BSN: variants seen among roughly 807,000 people sequenced by gnomAD.
The protein encoded by BSN is bassoon presynaptic cytomatrix protein, also known as protein bassoon.
In BSN, 57 loss-of-function variants were observed where a neutral mutation model predicts 264.8. The ratio of observed to expected loss-of-function variants is 0.22; its 90% confidence interval spans 0.17 to 0.27. The LOEUF is 0.27. BSN is among the 10% of genes least tolerant of loss of function. The probability of loss-of-function intolerance (pLI) is 1.00; values close to 1 mark genes in which losing one functional copy is unlikely to be tolerated. For missense variants in BSN, 4,615 were observed against 5,232.5 expected, an observed-to-expected ratio of 0.88 and a Z score of 3.64; for synonymous variants, 2,059 against 2,137.3, an observed-to-expected ratio of 0.96 and a Z score of 1.01.
At chr3:49,573,666 T>C (rs1402059923) in intron 1 of BSN, among the ~76,000 whole-genome samples, 2 of 151,732 alleles carry the variant, frequency 1.3e-5, no homozygotes, top group East Asian at 1.9e-4. Flanking sequence ...GGTTTTTTTT[T>C]TTTTTTTTGA....
intron 2 of BSN, among the ~76,000 whole-genome samples, chr3:49,626,444 A>G (rs746023903): frequency 1.3e-5 from 2 of 152,076 alleles, no homozygotes; most frequent in Non-Finnish European, 2.9e-5. Flanking sequence ...GTGAGAGGTA[A>G]GTGTGAGATT....
intron 1 of BSN, among the ~76,000 whole-genome samples, chr3:49,555,795 G>A (rs765991029): frequency 6.6e-6 from 1 of 152,214 alleles, no homozygotes; most frequent in Non-Finnish European, 1.5e-5. Flanking sequence ...CAGGGGGTGG[G>A]AGGGAGGTGC....
chr3:49,634,455 C>T (rs983278035), intron 2 of BSN, among the ~76,000 whole-genome samples: 2 of 152,102 alleles, frequency 1.3e-5, no homozygotes, highest in Non-Finnish European at 1.5e-5. Context: ...CTCGCTTTGT[C>T]GCCCAGGCTC....
At chr3:49,640,189 G>C (rs1174259137) in intron 2 of BSN, among the ~76,000 whole-genome samples, 1 of 152,234 alleles carries the variant, frequency 6.6e-6, no homozygotes, top group Non-Finnish European at 1.5e-5. Flanking sequence ...CCTCAGCTCT[G>C]GTTGATGAGG....
In BSN at chr3:49,655,241, G is replaced by A; in HGVS notation, c.5685G>A (p.Glu1895=). Reference sequence around the variant, plus strand: ...TGGACCTTACCGGGATGAGGCCTGAGAGCCAGCTGGCATGCTGTGACATGG... The same window carrying A: ...TGGACCTTACCGGGATGAGGCCTGAAAGCCAGCTGGCATGCTGTGACATGG... ...GALDLTGMRP[E]SQLACCDMVY... Residue 1895 remains glutamate (E), a synonymous_variant, in exon 5 of 12, where the codon GAG becomes GAA. Transcript: ENST00000296452. The A allele has an allele frequency of 6.2e-7, 1 of 1,613,122 alleles. No homozygotes were observed. Among genetic ancestry groups the A allele is most frequent in the Non-Finnish European group, 8.5e-7 (1 of 1,179,960 alleles).
In BSN at chr3:49,606,288, T is replaced by TAA. The variant is rs1559603705; in HGVS notation, c.225-18687_225-18686insAA. Among the ~76,000 whole-genome samples the TAA allele has an allele frequency of 1.5e-3, 170 of 111,288 alleles. 11 individuals are homozygous for TAA. The highest frequency in any genetic ancestry group is 4.8e-3 in the African/African-American group (135 of 27,936). The allele number at this position is 111,288 out of a possible 152,430, so 73.0% of individuals were successfully genotyped here. ...ATATAATATATATTAAAAATATATA[T>TAA]TATATATATTAAAAATATATATAAT... On this transcript the variant is annotated intron_variant, in intron 1 of 11. Transcript: ENST00000296452.
At chr3:49,573,683 G>GT (rs1379712593) in intron 1 of BSN, among the ~76,000 whole-genome samples, 1 of 149,300 alleles carries the variant, frequency 6.7e-6, no homozygotes, top group South Asian at 2.1e-4. Context: ...TTGAGACGGA[G>GT]TTTTGCTCTT....
chr3:49,574,729 G>A (rs2051828708), intron 1 of BSN, among the ~76,000 whole-genome samples: 1 of 149,956 alleles, frequency 6.7e-6, no homozygotes, highest in Non-Finnish European at 1.5e-5. Flanking sequence ...TCCACCTCCT[G>A]GGTTCAAGTG....
Position 49,554,698 on chromosome 3 carries a change from C to T in BSN, c.96C>T (p.Gly32=). 8.8e-7 allele frequency: 1 copy of T among 1,132,762 alleles called. No individual in the cohort carries two copies. Among genetic ancestry groups the T allele is most frequent in the South Asian group, 3.8e-5 (1 of 26,652 alleles). The allele number at this position is 1,132,762 out of a possible 1,614,324, so 70.2% of individuals were successfully genotyped here. The change falls in exon 1 of 12, where the codon GGC becomes GGT. Residue 32 remains glycine, a synonymous_variant. Coordinates refer to ENST00000296452, the MANE Select transcript of BSN (RefSeq NM_003458.4). ...GCCCGGGCCCCGGCCCCGGCCCCGG[C>T]GCAGGAAAGCCGCCTTCAGCACCGG... ...GPGPGPGPGP[G]AGKPPSAPAG... is the part of the protein sequence containing the mutation.
At position 49,625,939 on chromosome 3, in the gene BSN, A is replaced by G. The variant is rs1166164269; in HGVS notation, c.633+556A>G. Among the ~76,000 whole-genome samples, 6 of 152,200 alleles carry G rather than the reference A, an allele frequency of 3.9e-5. No homozygotes were observed. Among genetic ancestry groups the G allele is most frequent in the Admixed American group, 6.5e-5 (1 of 15,290 alleles). On this transcript the variant is annotated intron_variant, in intron 2 of 11. Transcript: ENST00000296452. This position sits in a 1 kb window ranked among gnomAD's most constrained non-coding sequence, Gnocchi z 4.4. ...AGCTGGGGACCTGAGGTGGTGGGGC[A>G]GCTACCCCATCCCTAAAGAAATGAC...
intron 11 of BSN, among the ~76,000 whole-genome samples, chr3:49,667,187 G>T (rs1029261006): frequency 2.6e-5 from 4 of 152,058 alleles, no homozygotes; most frequent in African/African-American, 9.7e-5. Flanking sequence ...GCTAATGATT[G>T]GGTCAAGTGG....
chr3:49,652,590 C>T lies in BSN; in HGVS notation c.3034C>T (p.Arg1012Cys), dbSNP rs374765989. The T allele has an allele frequency of 2.4e-5, 38 of 1,613,474 alleles. No individual in the cohort carries two copies. Among genetic ancestry groups the T allele is most frequent in the Middle Eastern group, 1.7e-4 (1 of 6,060 alleles). Residue 1012 changes from arginine (R) to cysteine (C), a missense_variant, in exon 5 of 12, where the codon CGC becomes TGC. Physicochemically the swap from Arg to Cys is radical, Grantham distance 180. Transcript: ENST00000296452. ...GGAGGACAGTGACAGCAGCCCCAGC[C>T]GCAGGCAGCGTCTAGAAGAAGCAAA... is the stretch of plus-strand genomic sequence containing the variant. ...LEEDSDSSPS[R>C]RQRLEEAKQQ...
intron 1 of BSN, among the ~76,000 whole-genome samples, chr3:49,586,362 A>ATCTG (rs1353667892): frequency 6.6e-6 from 1 of 150,582 alleles, no homozygotes; most frequent in East Asian, 1.9e-4. Context: ...CTATCTATCT[A>ATCTG]TCATTATCTA....
In BSN at chr3:49,655,607, C is replaced by T. The variant is rs775296339; in HGVS notation, c.6051C>T (p.Ser2017=). The T allele has an allele frequency of 1.2e-6, 2 of 1,613,618 alleles. No homozygotes were observed. The highest frequency in any genetic ancestry group is 1.3e-5 in the African/African-American group (1 of 74,944). The change falls in exon 5 of 12, where the codon AGC becomes AGT. Residue 2017 remains serine, a synonymous_variant. Transcript: ENST00000296452. ...GPGRDSAMDL[S]SLKHSYSLGF... ...GACGAGACTCGGCTATGGACCTCAG[C>T]TCACTGAAGCACTCCTACAGCCTGG...
At chr3:49,607,394 TC>T (rs991813147) in intron 1 of BSN, among the ~76,000 whole-genome samples, 3 of 152,174 alleles carry the variant, frequency 2.0e-5, no homozygotes, top group South Asian at 4.1e-4. Context: ...GTGTGGTGAT[TC>T]AGGGCTGGGC....
In BSN at chr3:49,646,183, G is replaced by GA. The variant is rs911863396; in HGVS notation, c.1518+3039dup. Among the ~76,000 whole-genome samples, 37 of 151,286 alleles carry GA rather than the reference G, an allele frequency of 2.4e-4. 1 individual carries two copies. Among genetic ancestry groups the GA allele is most frequent in the African/African-American group, 6.4e-4 (26 of 40,862 alleles). Reference sequence around the variant, plus strand: ...CCTTTTTCCTTTTGAACTTTCCTCTGAAAAAAAATAACCATAGTGCTATTT... The same window carrying GA: ...CCTTTTTCCTTTTGAACTTTCCTCTGAAAAAAAAATAACCATAGTGCTATTT... On this transcript the variant is annotated intron_variant, in intron 3 of 11. Transcript: ENST00000296452.
chr3:49,624,300 CTT>C (rs71080542), intron 1 of BSN, among the ~76,000 whole-genome samples: 5 of 67,180 alleles, frequency 7.4e-5, no homozygotes, highest in Admixed American at 2.4e-4. Context: ...CGTGCCCAGC[CTT>C]TTTTTTTTTT....
At chr3:49,664,293 C>A in intron 8 of BSN, 130 bp from the exon 9 acceptor site, 1 of 1,215,122 alleles carries the variant, frequency 8.2e-7, no homozygotes, top group Non-Finnish European at 1.2e-6. Context: ...CTCTTTATTT[C>A]CCTAGCCTCC....
rs1285138438 is a variant in BSN, at chr3:49,654,394, C to G, written c.4838C>G (p.Pro1613Arg). 1 of 1,604,522 alleles carries G rather than the reference C, an allele frequency of 6.2e-7. No individual in the cohort carries two copies. The highest frequency in any genetic ancestry group is 1.3e-5 in the African/African-American group (1 of 74,994). ...SQLPPEPPGP[P>R]GFPRVPSAGA... ...CTGCCCCCAGAGCCACCTGGGCCAC[C>G]TGGCTTTCCACGGGTGCCCAGTGCT... Residue 1613 changes from proline to arginine, a missense_variant, in exon 5 of 12, where the codon CCT (proline) becomes CGT (arginine). Pro to Arg is a moderately radical substitution (Grantham distance 103, BLOSUM62 -2). Transcript: ENST00000296452. This position sits in a 1 kb window ranked among gnomAD's most constrained non-coding sequence, Gnocchi z 4.1.
Sources: allele counts gnomAD v4.1 joint callset (sites outside exome capture counted in the v4.1 genomes callset), GRCh38; gene constraint gnomAD v4.1.1; non-coding constraint Gnocchi (gnomAD v3.1); transcripts MANE v1.5; gene names NCBI Gene and HGNC (gene_info 2026-07-23, HGNC 2026-07-21).